VPS13D: variants seen among roughly 807,000 people sequenced by gnomAD.
The protein encoded by VPS13D is vacuolar protein sorting 13 homolog D.
A neutral mutation model predicts 461.9 loss-of-function variants in VPS13D; 187 were observed. That is an observed-to-expected ratio of 0.40 (90% CI 0.36 to 0.46). VPS13D has a LOEUF of 0.46. Ranked by LOEUF, VPS13D falls within the 20% of genes least tolerant of loss-of-function variation. The pLI is 0.60. For missense variants in VPS13D, 4,711 were observed against 5,364.9 expected, an observed-to-expected ratio of 0.88 and a Z score of 3.81; for synonymous variants, 1,951 against 1,986.3, an observed-to-expected ratio of 0.98 and a Z score of 0.47.
In VPS13D at chr1:12,257,859, G is replaced by A. The variant is rs1053388860; in HGVS notation, c.942-76G>A. The A allele has an allele frequency of 8.4e-6, 13 of 1,547,904 alleles. No homozygotes were observed. The African/African-American group carries it at 1.2e-4, about 15-fold the overall frequency. ...TGTCTCAGGAGAGGAGTGGGGTTAT[G>A]TGGATTGTCCTGGATTGGTAGCCTT... On this transcript the variant is annotated intron_variant, in intron 9 of 69. Coordinates refer to ENST00000620676, the MANE Select transcript of VPS13D (RefSeq NM_015378.4).
At chr1:12,269,363 G>A (rs1265837262) in intron 16 of VPS13D, among the ~76,000 whole-genome samples, 1 of 152,138 alleles carries the variant, frequency 6.6e-6, no homozygotes, top group Non-Finnish European at 1.5e-5. Context: ...AAGTACTACA[G>A]GCATAAAGTA....
intron 9 of VPS13D, among the ~76,000 whole-genome samples, chr1:12,257,492 G>C (rs1640957940): frequency 1.3e-5 from 2 of 152,110 alleles, no homozygotes. Context: ...ACTAAATCCT[G>C]TTTTCATGTT....
chr1:12,255,247 G>A (rs1392629995), intron 7 of VPS13D, among the ~76,000 whole-genome samples: 1 of 152,218 alleles, frequency 6.6e-6, no homozygotes, highest in Admixed American at 6.5e-5. Flanking sequence ...TGCCCGGCAG[G>A]TTTTTGTTTT....
At chr1:12,331,595 C>T (rs1569929345) in intron 37 of VPS13D, among the ~76,000 whole-genome samples, 1 of 151,298 alleles carries the variant, frequency 6.6e-6, no homozygotes, top group South Asian at 2.1e-4. Flanking sequence ...ACCTGTAGTC[C>T]CAGCTACTCG....
chr1:12,346,375 T>C (rs1010184100), intron 43 of VPS13D, among the ~76,000 whole-genome samples: 1 of 152,244 alleles, frequency 6.6e-6, no homozygotes, highest in African/African-American at 2.4e-5. Context: ...GGTACCTTTC[T>C]TACTGCATTG....
At chr1:12,311,705 C>T (rs981947586) in intron 28 of VPS13D, 80 bp downstream of exon 28, 27 of 1,586,644 alleles carry the variant, frequency 1.7e-5, no homozygotes, top group African/African-American at 2.7e-5. Flanking sequence ...CTCAAACTCA[C>T]TTGGAGAAAG....
At chr1:12,231,394 A>G (rs908890095) in intron 1 of VPS13D, among the ~76,000 whole-genome samples, 1 of 152,206 alleles carries the variant, frequency 6.6e-6, no homozygotes, top group African/African-American at 2.4e-5. Context: ...CCTCAATGTT[A>G]CTGACCAGGT....
intron 67 of VPS13D, among the ~76,000 whole-genome samples, chr1:12,488,633 C>T (rs1305970872): frequency 1.5e-5 from 2 of 136,740 alleles, no homozygotes; most frequent in Non-Finnish European, 3.0e-5. Flanking sequence ...GCAATCCCAG[C>T]ACTTTCAGAG....
At chr1:12,382,839 T>G (rs1475114802) in intron 57 of VPS13D, 137 bp from the exon 58 acceptor site, 1 of 722,550 alleles carries the variant, frequency 1.4e-6, no homozygotes, top group Admixed American at 2.7e-5. Flanking sequence ...GAACAAATAG[T>G]AAAGGCTTTG....
chr1:12,462,540 A>G (rs1645425895), intron 67 of VPS13D, among the ~76,000 whole-genome samples: 1 of 152,250 alleles, frequency 6.6e-6, no homozygotes, highest in African/African-American at 2.4e-5. Context: ...GAGCTTGTCC[A>G]CAGCCACACA....
In VPS13D at chr1:12,495,317, C is replaced by T. The variant is rs1332055898; in HGVS notation, c.12663-2183C>T. 1.3e-5 allele frequency among the ~76,000 whole-genome samples: 2 copies of T among 152,044 alleles called. No homozygotes were observed. Among genetic ancestry groups the T allele is most frequent in the Non-Finnish European group, 2.9e-5 (2 of 68,018 alleles). On this transcript the variant is annotated intron_variant, in intron 67 of 69. Coordinates refer to ENST00000620676, the MANE Select transcript of VPS13D (RefSeq NM_015378.4). This position sits in a 1 kb window ranked among gnomAD's most constrained non-coding sequence, Gnocchi z 4.0. ...GGCGCCCGCCACTCCCCCGCCCACC[C>T]CAGCTAATTTTTTGTATTTTTAGTA...
At chr1:12,366,604 T>G (rs910059661) in intron 52 of VPS13D, among the ~76,000 whole-genome samples, 5 of 152,152 alleles carry the variant, frequency 3.3e-5, no homozygotes, top group African/African-American at 9.7e-5. Context: ...AGGAGGAGGA[T>G]GATTTGTGTA....
chr1:12,317,666 T>C (rs775647801), intron 30 of VPS13D, among the ~76,000 whole-genome samples: 4 of 151,884 alleles, frequency 2.6e-5, no homozygotes, highest in Non-Finnish European at 5.9e-5. Flanking sequence ...GATCACTTGA[T>C]CCCAGGAGTT....
At chr1:12,400,962 G>GCGCACACACACACACACACACACACA (rs1253464149) in intron 61 of VPS13D, among the ~76,000 whole-genome samples, 2 of 106,218 alleles carry the variant, frequency 1.9e-5, no homozygotes, top group African/African-American at 6.7e-5. Flanking sequence ...CTGCGCGCGC[G>GCGCACACACACACACACACACACACA]CACACACACA....
chr1:12,342,389 C>G (rs974585316), intron 41 of VPS13D, among the ~76,000 whole-genome samples: 2 of 152,194 alleles, frequency 1.3e-5, no homozygotes, highest in African/African-American at 4.8e-5. Flanking sequence ...AGGCGAGAAC[C>G]TTTTCTAACA....
Position 12,323,791 on chromosome 1 carries a change from C to T in VPS13D, c.7990+11C>T. 1 of 1,613,578 alleles carries T rather than the reference C, an allele frequency of 6.2e-7. No individual in the cohort carries two copies. The highest frequency in any genetic ancestry group is 1.1e-5 in the South Asian group (1 of 91,016). On this transcript the variant is annotated intron_variant, in intron 35 of 69. Transcript: ENST00000620676. ...TTTTGGCGTGTCAAGGTAATTTGAA[C>T]AGGGTTCTGTTACCCGTTGTTTATC...
chr1:12,304,761 G>A, intron 26 of VPS13D, 33 bp downstream of exon 26: 1 of 1,608,232 alleles, frequency 6.2e-7, no homozygotes, highest in Non-Finnish European at 8.5e-7. Context: ...TAATACTGAA[G>A]GTGGGGAAAT....
At chr1:12,412,050 G>A (rs1644737075) in intron 63 of VPS13D, among the ~76,000 whole-genome samples, 1 of 152,228 alleles carries the variant, frequency 6.6e-6, no homozygotes, top group South Asian at 2.1e-4. Context: ...GACAGAAGAT[G>A]CAAAGAATAT....
intron 65 of VPS13D, among the ~76,000 whole-genome samples, chr1:12,451,743 T>C (rs927183110): frequency 2.0e-5 from 3 of 152,260 alleles, no homozygotes. Context: ...GCTGGGGGGA[T>C]ATGCCATGCC....
Sources: allele counts gnomAD v4.1 joint callset (sites outside exome capture counted in the v4.1 genomes callset), GRCh38; gene constraint gnomAD v4.1.1; non-coding constraint Gnocchi (gnomAD v3.1); transcripts MANE v1.5; gene names NCBI Gene and HGNC (gene_info 2026-07-23, HGNC 2026-07-21).